Variants in NDUFAF2 observed in about 807,000 individuals in gnomAD.
NDUFAF2 encodes NADH:ubiquinone oxidoreductase complex assembly factor 2.
A neutral mutation model predicts 22.8 loss-of-function variants in NDUFAF2; 13 were observed. The ratio of observed to expected loss-of-function variants is 0.57; its 90% CI spans 0.37 to 0.91. The LOEUF (loss-of-function observed/expected upper bound fraction) is 0.91, where lower values mean the gene tolerates loss of function less well. NDUFAF2 is among the 40% of genes least tolerant of loss of function. The pLI is 0.01. For missense variants in NDUFAF2, 162 were observed against 195.2 expected, an observed-to-expected ratio of 0.83 and a Z score of 1.01; for synonymous variants, 53 against 64.2, an observed-to-expected ratio of 0.83 and a Z score of 0.84.
chr5:60,967,001 T>G (rs1331504328), intron 1 of NDUFAF2, among the ~76,000 whole-genome samples: 1 of 152,116 alleles, frequency 6.6e-6, no homozygotes, highest in East Asian at 1.9e-4. Flanking sequence ...CATTCAGTTG[T>G]GTACACTGCA....
At chr5:61,054,700 C>G (rs1346591345) in intron 1 of NDUFAF2, among the ~76,000 whole-genome samples, 1 of 152,156 alleles carries the variant, frequency 6.6e-6, no homozygotes, top group Non-Finnish European at 1.5e-5. Context: ...TGCTTCAATG[C>G]AAAATTCCCA....
intron 2 of NDUFAF2, 28 bp downstream of exon 2, chr5:61,073,242 A>C: frequency 3.0e-5 from 44 of 1,473,500 alleles, no homozygotes; most frequent in Non-Finnish European, 3.8e-5. Flanking sequence ...GTAGAATCTC[A>C]TGGGAGGTAA....
intron 3 of NDUFAF2, among the ~76,000 whole-genome samples, chr5:61,138,560 G>A (rs1476193595): frequency 1.3e-5 from 2 of 152,128 alleles, no homozygotes; most frequent in Non-Finnish European, 2.9e-5. Context: ...TGAGAGTATA[G>A]TAATTAACTT....
chr5:61,061,728 C>G (rs371010642), intron 1 of NDUFAF2, among the ~76,000 whole-genome samples: 1 of 152,190 alleles, frequency 6.6e-6, no homozygotes, highest in Non-Finnish European at 1.5e-5. Flanking sequence ...TCCAGACACT[C>G]TGAGCATCTG....
intron 1 of NDUFAF2, among the ~76,000 whole-genome samples, chr5:60,961,382 T>G (rs1750682263): frequency 6.6e-6 from 1 of 151,906 alleles, no homozygotes; most frequent in Admixed American, 6.6e-5. Flanking sequence ...GGTCACGAGG[T>G]CAGGAGATCG....
At chr5:61,148,342 C>T (rs1163977969) in intron 3 of NDUFAF2, among the ~76,000 whole-genome samples, 3 of 152,280 alleles carry the variant, frequency 2.0e-5, no homozygotes, top group East Asian at 1.9e-4. Flanking sequence ...GTATTTTTGT[C>T]CAGTTTTCTA....
chr5:60,961,317 C>T (rs572004408), intron 1 of NDUFAF2, among the ~76,000 whole-genome samples: 5 of 152,010 alleles, frequency 3.3e-5, no homozygotes, highest in Non-Finnish European at 5.9e-5. Context: ...AAAATTAGGC[C>T]GGGCACGGTG....
intron 2 of NDUFAF2, 62 bp from the exon 3 acceptor site, chr5:61,098,930 T>C (rs1045862846): frequency 7.7e-6 from 11 of 1,427,798 alleles, no homozygotes; most frequent in South Asian, 1.2e-5. Context: ...ATTTGTTTTA[T>C]GGATAAAAAT....
intron 3 of NDUFAF2, among the ~76,000 whole-genome samples, chr5:61,145,552 A>C (rs1325555456): frequency 6.6e-6 from 1 of 152,246 alleles, no homozygotes; most frequent in African/African-American, 2.4e-5. Flanking sequence ...GGGGATACTT[A>C]ACTGGTAAGT....
At chr5:61,152,341 TAC>T (rs1741256232) in intron 3 of NDUFAF2, among the ~76,000 whole-genome samples, 1 of 151,896 alleles carries the variant, frequency 6.6e-6, no homozygotes, top group African/African-American at 2.4e-5. Flanking sequence ...AGTGGAAAAG[TAC>T]AGTCACTGAG....
intron 1 of NDUFAF2, among the ~76,000 whole-genome samples, chr5:60,987,507 T>C (rs1267106092): frequency 6.6e-6 from 1 of 152,138 alleles, no homozygotes. Flanking sequence ...CCAATATCTT[T>C]CATGAACATA....
intron 1 of NDUFAF2, among the ~76,000 whole-genome samples, chr5:61,049,630 T>C (rs544507806): frequency 6.6e-6 from 1 of 152,222 alleles, no homozygotes; most frequent in South Asian, 2.1e-4. Flanking sequence ...TTCTGCTTTA[T>C]GTGTTTATGA....
intron 1 of NDUFAF2, among the ~76,000 whole-genome samples, chr5:61,044,748 T>C (rs1287339111): frequency 3.9e-5 from 6 of 152,180 alleles, no homozygotes; most frequent in African/African-American, 1.4e-4. Context: ...GATTTTCAAA[T>C]CTGATAGTGT....
chr5:61,129,956 C>G (rs1319344906), intron 3 of NDUFAF2, among the ~76,000 whole-genome samples: 1 of 152,002 alleles, frequency 6.6e-6, no homozygotes, highest in African/African-American at 2.4e-5. Context: ...CAGATAAGAG[C>G]TGTTCTAATT....
At chr5:61,067,810 CT>C (rs1470896997) in intron 1 of NDUFAF2, among the ~76,000 whole-genome samples, 2 of 152,100 alleles carry the variant, frequency 1.3e-5, no homozygotes, top group African/African-American at 4.8e-5. Flanking sequence ...TCCACATCCT[CT>C]CCAGCACCTG....
chr5:61,037,164 G>C (rs1432097639), intron 1 of NDUFAF2, among the ~76,000 whole-genome samples: 2 of 152,170 alleles, frequency 1.3e-5, no homozygotes, highest in Admixed American at 6.5e-5. Flanking sequence ...TGGAAGATTT[G>C]TGTTTAGGCG....
rs556496017 is a variant in NDUFAF2, at chr5:61,152,607, A to G, written c.259-97A>G. On this transcript the variant is annotated intron_variant, in intron 3 of 3. Coordinates refer to ENST00000296597, the MANE Select transcript of NDUFAF2 (RefSeq NM_174889.5). ...ATGCAAAGTATGTATGTATATATTT[A>G]TATGTATATAATGTATTTTATTTTT... The G allele has an allele frequency of 6.1e-6, 5 of 814,296 alleles. No individual in the cohort carries two copies. The East Asian group carries it at 1.5e-4, about 24-fold the overall frequency. 50.4% of individuals were successfully genotyped at this position (814,296 alleles called of 1,614,324 possible).
intron 3 of NDUFAF2, among the ~76,000 whole-genome samples, chr5:61,103,262 C>T (rs1561565730): frequency 6.6e-6 from 1 of 152,062 alleles, no homozygotes; most frequent in Non-Finnish European, 1.5e-5. Flanking sequence ...CCTACTCTAC[C>T]CTACTCTTCA....
At chr5:61,011,517 C>T (rs2112597893) in intron 1 of NDUFAF2, among the ~76,000 whole-genome samples, 1 of 152,164 alleles carries the variant, frequency 6.6e-6, no homozygotes, top group South Asian at 2.1e-4. Flanking sequence ...ATTAGTGGTG[C>T]AAATTGTAAT....
Sources: allele counts gnomAD v4.1 joint callset (sites outside exome capture counted in the v4.1 genomes callset), GRCh38; gene constraint gnomAD v4.1.1; transcripts MANE v1.5; gene names NCBI Gene and HGNC (gene_info 2026-07-23, HGNC 2026-07-21).